Variants in GALNT13 observed in about 807,000 individuals in gnomAD.
GALNT13 encodes UDP-GalNAc:polypeptide N-acetylgalactosaminyltransferase 13.
A neutral mutation model predicts 64.2 loss-of-function variants in GALNT13; 28 were observed. That is an observed-to-expected ratio of 0.44 (90% CI 0.32 to 0.60). GALNT13 has a LOEUF of 0.60. Ranked by LOEUF, GALNT13 falls within the 20% of genes least tolerant of loss-of-function variation. The pLI, the probability that GALNT13 is intolerant of heterozygous loss-of-function variation, is 0.05. For missense variants in GALNT13, 577 were observed against 669.8 expected (o/e 0.86, Z 1.53); for synonymous variants, 214 against 224.6 (o/e 0.95, Z 0.42).
At chr2:154,167,305 G>T (rs1421000584) in intron 4 of GALNT13, among the ~76,000 whole-genome samples, 1 of 152,066 alleles carries the variant, frequency 6.6e-6, no homozygotes, top group Non-Finnish European at 1.5e-5. Flanking sequence ...AAAACACCTT[G>T]TATATTAGAA....
the GALNT13 span, among the ~76,000 whole-genome samples, chr2:153,775,499 A>C: frequency 2.0e-5 from 3 of 152,146 alleles, no homozygotes; most frequent in Non-Finnish European, 4.4e-5. Flanking sequence ...CAAGTTATTA[A>C]ATGGAAATCA....
At chr2:153,444,946 G>A in the GALNT13 span, among the ~76,000 whole-genome samples, 1 of 152,214 alleles carries the variant, frequency 6.6e-6, no homozygotes, top group East Asian at 1.9e-4. Flanking sequence ...TTTAGATTGA[G>A]TGTGTATATT....
chr2:153,376,525 A>G, the GALNT13 span, among the ~76,000 whole-genome samples: 29 of 152,278 alleles, frequency 1.9e-4, no homozygotes, highest in African/African-American at 7.0e-4. Flanking sequence ...AATATGGGAG[A>G]TGAACTTTGT....
intron 3 of GALNT13, among the ~76,000 whole-genome samples, chr2:153,970,767 G>C (rs1693685812): frequency 6.6e-6 from 1 of 152,052 alleles, no homozygotes; most frequent in African/African-American, 2.4e-5. Flanking sequence ...CACTCCGGCT[G>C]CTTAAACCCC....
chr2:153,570,000 T>A, the GALNT13 span, among the ~76,000 whole-genome samples: 3 of 152,144 alleles, frequency 2.0e-5, no homozygotes, highest in Admixed American at 6.6e-5. Flanking sequence ...TTGAAGAACA[T>A]CCAAACTGTT....
At chr2:153,413,187 C>T in the GALNT13 span, among the ~76,000 whole-genome samples, 1 of 152,034 alleles carries the variant, frequency 6.6e-6, no homozygotes, top group Non-Finnish European at 1.5e-5. Flanking sequence ...AAATATACAT[C>T]CTGACCCTAT....
At chr2:154,219,011 A>G (rs1303595819) in intron 4 of GALNT13, among the ~76,000 whole-genome samples, 1 of 151,890 alleles carries the variant, frequency 6.6e-6, no homozygotes, top group Admixed American at 6.6e-5. Context: ...TCTTATCTCT[A>G]TTAATTATAA....
At chr2:154,303,862 A>G (rs1693586348) in intron 9 of GALNT13, among the ~76,000 whole-genome samples, 1 of 150,478 alleles carries the variant, frequency 6.6e-6, no homozygotes, top group Non-Finnish European at 1.5e-5. Flanking sequence ...GGTTCAAGGG[A>G]TTCTCCTGCC....
At position 154,259,064 on chromosome 2, in the gene GALNT13, T is replaced by A; in HGVS notation, c.901T>A (p.Tyr301Asn). The A allele has an allele frequency of 6.2e-7, 1 of 1,609,654 alleles. No homozygotes were observed. The highest frequency in any genetic ancestry group is 8.5e-7 in the Non-Finnish European group (1 of 1,177,578). The stretch of plus-strand genomic sequence containing the variant: ...TGGCCTATTTTCTATTGACAGAAAC[T>A]ACTTTGAAGAGATAGGAACTTACGA... The part of the protein sequence containing the change: ...AGGLFSIDRN[Y>N]FEEIGTYDAG... The change falls in exon 8 of 13, where the codon TAC (tyrosine) becomes AAC (asparagine). Residue 301 changes from tyrosine to asparagine, a missense_variant. Coordinates refer to ENST00000392825, the MANE Select transcript of GALNT13 (RefSeq NM_052917.4).
intron 3 of GALNT13, among the ~76,000 whole-genome samples, chr2:153,994,177 T>C (rs1695360492): frequency 6.6e-6 from 1 of 152,182 alleles, no homozygotes; most frequent in Admixed American, 6.5e-5. Context: ...TTGGTTTTTT[T>C]GTCCTTGCGA....
At chr2:153,455,816 C>T in the GALNT13 span, among the ~76,000 whole-genome samples, 1 of 152,004 alleles carries the variant, frequency 6.6e-6, no homozygotes, top group Admixed American at 6.6e-5. Context: ...TTTGTGGCTC[C>T]CGAGCTCTTG....
At chr2:153,257,661 C>A in the GALNT13 span, among the ~76,000 whole-genome samples, 1 of 152,118 alleles carries the variant, frequency 6.6e-6, no homozygotes, top group African/African-American at 2.4e-5. Context: ...CAGCTTTTAA[C>A]AATTGAGTAA....
intron 2 of GALNT13, among the ~76,000 whole-genome samples, chr2:153,927,380 A>G (rs148485702): frequency 8.2e-4 from 125 of 152,146 alleles, no homozygotes; most frequent in African/African-American, 2.9e-3. Context: ...TTGGCTTTTC[A>G]TGTGCTTGTA....
the GALNT13 span, among the ~76,000 whole-genome samples, chr2:153,569,852 C>A: frequency 6.6e-6 from 1 of 152,098 alleles, no homozygotes; most frequent in Non-Finnish European, 1.5e-5. Flanking sequence ...ACTACCCTAC[C>A]CAGCCTGCAC....
At chr2:153,215,968 C>G in the GALNT13 span, among the ~76,000 whole-genome samples, 3 of 151,966 alleles carry the variant, frequency 2.0e-5, no homozygotes, top group African/African-American at 7.2e-5. Context: ...ATTTTTCAGA[C>G]TGCCCCCTTG....
chr2:153,221,334 A>C, the GALNT13 span, among the ~76,000 whole-genome samples: 1 of 152,204 alleles, frequency 6.6e-6, no homozygotes, highest in Non-Finnish European at 1.5e-5. Flanking sequence ...AGTATGGTTT[A>C]AAGAAACACC....
chr2:153,698,494 G>T, the GALNT13 span, among the ~76,000 whole-genome samples: 1 of 152,236 alleles, frequency 6.6e-6, no homozygotes, highest in Admixed American at 6.5e-5. Flanking sequence ...AAAAGACAAA[G>T]AATGGCATCA....
At chr2:153,721,096 G>C in the GALNT13 span, among the ~76,000 whole-genome samples, 1,280 of 148,592 alleles carry the variant, frequency 8.6e-3, 8 homozygotes, top group Middle Eastern at 0.014. Context: ...AAGCCCATCA[G>C]ACTAACAGCG....
chr2:154,107,692 T>TC (rs1052508654), intron 3 of GALNT13, among the ~76,000 whole-genome samples: 2 of 151,512 alleles, frequency 1.3e-5, no homozygotes, highest in African/African-American at 4.9e-5. Flanking sequence ...CAATAGATAT[T>TC]TTTTAAAACC....
Sources: gnomAD v4.1 joint callset for allele counts (sites outside exome capture counted in the v4.1 genomes callset) on GRCh38, gnomAD v4.1.1 for gene constraint, MANE v1.5 for transcripts, NCBI Gene and HGNC (gene_info 2026-07-23, HGNC 2026-07-21) for gene names.